PCDHGA1: variants seen among roughly 807,000 people sequenced by gnomAD.
The protein encoded by PCDHGA1 is protocadherin gamma subfamily A, 1, also known as protocadherin gamma-A1.
PCDHGA1 carries 32 observed loss-of-function variants against 58.0 expected under a neutral mutation model. The observed-to-expected ratio is 0.55, with a 90% CI of 0.42 to 0.74. The LOEUF is 0.74. Ranked by LOEUF, PCDHGA1 falls within the 30% of genes least tolerant of loss-of-function variation. PCDHGA1 has a pLI of 0.00. For synonymous variants in PCDHGA1, 498 were observed against 501.1 expected (o/e 0.99, Z 0.08); for missense variants, 1,205 against 1,182.3 (o/e 1.02, Z -0.28).
At chr5:141,351,030 C>G (rs1561499070) in intron 1 of PCDHGA1, 1 of 1,614,068 alleles carries the variant, frequency 6.2e-7, no homozygotes, top group Non-Finnish European at 8.5e-7. Context: ...TGGGGAACCT[C>G]CGTGCTGCGG....
At chr5:141,459,287 G>A (rs1362981410) in intron 1 of PCDHGA1, among the ~76,000 whole-genome samples, 1 of 152,136 alleles carries the variant, frequency 6.6e-6, no homozygotes, top group African/African-American at 2.4e-5. Context: ...TCATCTAAAT[G>A]GAATCCTATA....
rs202183643 is a variant in PCDHGA1 at position 141,490,646 on chromosome 5, C to T, written c.2422-4161C>T. 9 of 1,614,186 alleles carry T rather than the reference C, an allele frequency of 5.6e-6. No homozygotes were observed. Among genetic ancestry groups the T allele is most frequent in the African/African-American group, 2.7e-5 (2 of 75,054 alleles). ...GCTTACATCCTAGAAAACCGGCCTC[C>T]GGGCTCCCTTCTTTGCACTGTGGCT... On this transcript the variant is annotated intron_variant, in intron 1 of 3. Transcript: ENST00000517417. The surrounding 1 kb of genome is among the most constrained non-coding windows in gnomAD (Gnocchi z 5.4).
intron 1 of PCDHGA1, among the ~76,000 whole-genome samples, chr5:141,472,711 C>T (rs1014451209): frequency 4.6e-5 from 7 of 151,904 alleles, no homozygotes; most frequent in Admixed American, 2.0e-4. Context: ...ACAGGCCAGG[C>T]GCTGTGGCTC....
At chr5:141,372,541 G>A (rs376822583) in intron 1 of PCDHGA1, 28 of 1,613,862 alleles carry the variant, frequency 1.7e-5, no homozygotes, top group Non-Finnish European at 2.0e-5. Flanking sequence ...CTGCGCCTGC[G>A]ATGCTCCTCC....
intron 1 of PCDHGA1, among the ~76,000 whole-genome samples, chr5:141,473,185 G>A (rs1171761852): frequency 1.3e-5 from 2 of 152,188 alleles, no homozygotes; most frequent in Non-Finnish European, 2.9e-5. Flanking sequence ...ACTTGAAGGA[G>A]TAAATGTATC....
chr5:141,455,364 G>C (rs2098820282), intron 1 of PCDHGA1, among the ~76,000 whole-genome samples: 1 of 152,252 alleles, frequency 6.6e-6, no homozygotes, highest in South Asian at 2.1e-4. Flanking sequence ...TAGGCAAGAA[G>C]GAAGGGAGAA....
intron 1 of PCDHGA1, chr5:141,350,628 T>C (rs974919144): frequency 1.3e-5 from 21 of 1,613,936 alleles, no homozygotes; most frequent in Non-Finnish European, 1.6e-5. Flanking sequence ...ATCCAAGATA[T>C]TAATGACAAT....
intron 1 of PCDHGA1, chr5:141,357,624 G>A (rs1416419073): frequency 1.2e-6 from 2 of 1,613,660 alleles, no homozygotes; most frequent in South Asian, 2.2e-5. Context: ...ATCTTCAGGT[G>A]AGTCAATCTT....
chr5:141,366,456 T>A, intron 1 of PCDHGA1: 1 of 1,614,224 alleles, frequency 6.2e-7, no homozygotes, highest in Non-Finnish European at 8.5e-7. Context: ...GCCTTCGTCA[T>A]CGTGCTGCTG....
rs773763605 is a variant in PCDHGA1, at chr5:141,476,631, A to G, written c.2422-18176A>G. On this transcript the variant is annotated intron_variant, in intron 1 of 3. Transcript: ENST00000517417. The surrounding 1 kb of genome is among the most constrained non-coding windows in gnomAD (Gnocchi z 7.6). ...GTGGGAAGCAACTCTTTACAAACCT[A>G]TGAGCTGAGCCGAAATGAATACTTT... The G allele has an allele frequency of 2.5e-6, 4 of 1,614,224 alleles. No individual in the cohort carries two copies. Among genetic ancestry groups the G allele is most frequent in the Admixed American group, 1.7e-5 (1 of 60,032 alleles).
chr5:141,403,649 T>A, intron 1 of PCDHGA1: 7 of 1,613,874 alleles, frequency 4.3e-6, no homozygotes, highest in Non-Finnish European at 5.9e-6. Flanking sequence ...TGTGACAGTG[T>A]TGGATACAAA....
chr5:141,476,619 CTT>C lies in PCDHGA1; in HGVS notation c.2422-18186_2422-18185del. Reference sequence around the variant, plus strand: ...CACGATCCCGATGTGGGAAGCAACTCTTTACAAACCTATGAGCTGAGCCGAAA... The same window carrying C: ...CACGATCCCGATGTGGGAAGCAACTCTACAAACCTATGAGCTGAGCCGAAA... On this transcript the variant is annotated intron_variant, in intron 1 of 3. Transcript: ENST00000517417. This position sits in a 1 kb window ranked among gnomAD's most constrained non-coding sequence, Gnocchi z 7.6. The C allele has an allele frequency of 1.2e-6, 2 of 1,614,258 alleles. No homozygotes were observed. The highest frequency in any genetic ancestry group is 1.7e-6 in the Non-Finnish European group (2 of 1,180,052).
At position 141,333,011 on chromosome 5, in the gene PCDHGA1, C is replaced by G. The variant is rs1157997404; in HGVS notation, c.2327C>G (p.Ala776Gly). The part of the protein sequence containing the change: ...SHLIFPQPNY[A>G]DTLISQESCE... ...CTGATTTTCCCCCAGCCCAACTATGCGGACACACTCATCAGCCAGGAGAGC... is the reference window on the plus strand; with the variant it reads ...CTGATTTTCCCCCAGCCCAACTATGGGGACACACTCATCAGCCAGGAGAGC... The change falls in exon 1 of 4, where the codon GCG becomes GGG. Residue 776 changes from alanine (A) to glycine (G), a missense_variant. By Grantham distance (60) the Ala-to-Gly change is moderately conservative. Coordinates refer to ENST00000517417, the MANE Select transcript of PCDHGA1 (RefSeq NM_018912.3). 1.1e-5 allele frequency: 17 copies of G among 1,614,182 alleles called. No individual in the cohort carries two copies. The highest frequency in any genetic ancestry group is 1.4e-5 in the Non-Finnish European group (17 of 1,180,044).
At chr5:141,370,847 A>G (rs372882282) in intron 1 of PCDHGA1, 2 of 1,614,046 alleles carry the variant, frequency 1.2e-6, no homozygotes, top group Non-Finnish European at 1.7e-6. Flanking sequence ...CTGGAGCCAC[A>G]TTTGCCCTGG....
At position 141,486,484 on chromosome 5, in the gene PCDHGA1, C is replaced by G. The variant is rs200150307; in HGVS notation, c.2422-8323C>G. ...ATGCTGGGAACCCTCCTCTCAGTAC[C>G]CACAGAACTATTTTCCTCAATATTT... On this transcript the variant is annotated intron_variant, in intron 1 of 3. Transcript: ENST00000517417. The surrounding 1 kb of genome is among the most constrained non-coding windows in gnomAD (Gnocchi z 5.0). The G allele has an allele frequency of 2.8e-5, 45 of 1,614,102 alleles. No homozygotes were observed. In the Admixed American group the frequency reaches 5.5e-4, roughly 20 times the overall value.
chr5:141,356,987 G>GAGGTC (rs1760419659), intron 1 of PCDHGA1: 1 of 1,614,186 alleles, frequency 6.2e-7, no homozygotes, highest in Non-Finnish European at 8.5e-7. Context: ...GCAGTGGACA[G>GAGGTC]AGACTCAGGT....
intron 1 of PCDHGA1, among the ~76,000 whole-genome samples, chr5:141,348,890 T>C (rs1469503351): frequency 1.3e-5 from 2 of 152,164 alleles, no homozygotes; most frequent in Non-Finnish European, 2.9e-5. Context: ...TCTCATTTGG[T>C]AATGCATTTG....
chr5:141,331,143 A>T lies in PCDHGA1; in HGVS notation c.459A>T (p.Ser153=), dbSNP rs755482774. 3.9e-5 allele frequency: 62 copies of T among 1,607,382 alleles called. No individual in the cohort carries two copies. The highest frequency in any genetic ancestry group is 3.3e-4 in the Middle Eastern group (2 of 6,070). ...NEITTPGTRV[S]LPFGQDLDVG... ...TAACGACTCCAGGTACCAGAGTCTC[A>T]TTGCCTTTTGGGCAAGACCTTGATG... The change falls in exon 1 of 4, where the codon TCA becomes TCT. Residue 153 remains serine, a synonymous_variant. Transcript: ENST00000517417.
intron 1 of PCDHGA1, chr5:141,400,541 T>C: frequency 6.2e-7 from 1 of 1,613,832 alleles, no homozygotes; most frequent in Admixed American, 1.7e-5. Flanking sequence ...TTCATTTATG[T>C]CTATTCTTTT....
Sources: gnomAD v4.1 joint callset for allele counts (sites outside exome capture counted in the v4.1 genomes callset) on GRCh38, gnomAD v4.1.1 for gene constraint, Gnocchi (gnomAD v3.1) non-coding constraint, MANE v1.5 for transcripts, NCBI Gene and HGNC (gene_info 2026-07-23, HGNC 2026-07-21) for gene names.